The following GABRB1 variants were observed in gnomAD, a reference collection of about 807,000 sequenced individuals.
GABRB1 encodes gamma-aminobutyric acid receptor subunit beta-1.
Under a neutral mutation model 51.6 loss-of-function variants are expected in GABRB1, and 17 were observed. That is an observed-to-expected ratio of 0.33 (90% CI 0.23 to 0.49). The LOEUF (loss-of-function observed/expected upper bound fraction) is 0.49. Ranked by LOEUF, GABRB1 falls within the 20% of genes least tolerant of loss-of-function variation. GABRB1 has a pLI of 0.99. For synonymous variants in GABRB1, 247 were observed against 218.9 expected, an observed-to-expected ratio of 1.13 and a Z score of -1.14; for missense variants, 410 against 600.6, an observed-to-expected ratio of 0.68 and a Z score of 3.32.
At chr4:47,344,865 G>A (rs1453706531) in intron 5 of GABRB1, among the ~76,000 whole-genome samples, 3 of 152,120 alleles carry the variant, frequency 2.0e-5, no homozygotes, top group Non-Finnish European at 4.4e-5. Flanking sequence ...TGGGACTACA[G>A]GTGTGCACCA....
At chr4:47,180,665 C>T (rs1389669445) in intron 4 of GABRB1, among the ~76,000 whole-genome samples, 1 of 151,966 alleles carries the variant, frequency 6.6e-6, no homozygotes, top group Non-Finnish European at 1.5e-5. Flanking sequence ...AAATGTAGTA[C>T]TAAGTCCTGT....
At chr4:47,262,025 C>T (rs1452601702) in intron 4 of GABRB1, among the ~76,000 whole-genome samples, 1 of 151,370 alleles carries the variant, frequency 6.6e-6, no homozygotes, top group East Asian at 1.9e-4. Context: ...TTCCTTACAC[C>T]TTATACAAAA....
At chr4:47,409,609 C>T (rs1483993593) in intron 8 of GABRB1, among the ~76,000 whole-genome samples, 3 of 152,152 alleles carry the variant, frequency 2.0e-5, no homozygotes, top group African/African-American at 7.2e-5. Flanking sequence ...GCATGGTGGG[C>T]CAAAAGGCAA....
intron 4 of GABRB1, among the ~76,000 whole-genome samples, chr4:47,227,475 A>C (rs533443616): frequency 6.6e-6 from 1 of 152,272 alleles, no homozygotes; most frequent in African/African-American, 2.4e-5. Context: ...TATCAGAAAC[A>C]CCTGTGACAG....
chr4:47,144,721 A>C (rs1396418996), intron 3 of GABRB1, among the ~76,000 whole-genome samples: 3 of 151,940 alleles, frequency 2.0e-5, no homozygotes, highest in Non-Finnish European at 4.4e-5. Flanking sequence ...TCTCATCATG[A>C]TACTATATTG....
At chr4:47,269,769 A>G (rs963842533) in intron 4 of GABRB1, among the ~76,000 whole-genome samples, 6 of 152,114 alleles carry the variant, frequency 3.9e-5, no homozygotes, top group African/African-American at 1.4e-4. Context: ...AATTCTCACC[A>G]CAAGCATTTC....
intron 4 of GABRB1, among the ~76,000 whole-genome samples, chr4:47,313,892 A>C (rs766251741): frequency 6.6e-6 from 1 of 152,060 alleles, no homozygotes; most frequent in Non-Finnish European, 1.5e-5. Context: ...CTTACTAAAT[A>C]GTTGTGGGAG....
At chr4:47,014,818 T>G (rs944698508) in intron 1 of GABRB1, among the ~76,000 whole-genome samples, 1 of 152,228 alleles carries the variant, frequency 6.6e-6, no homozygotes, top group African/African-American at 2.4e-5. Flanking sequence ...GATAGGATAC[T>G]CTATGAAAAA....
intron 4 of GABRB1, among the ~76,000 whole-genome samples, chr4:47,224,247 C>T (rs747898377): frequency 1.3e-5 from 2 of 150,386 alleles, no homozygotes; most frequent in Non-Finnish European, 3.0e-5. Context: ...GTCCATTCTT[C>T]CTCATGACTC....
chr4:47,162,015 T>G (rs1461929598), intron 4 of GABRB1, among the ~76,000 whole-genome samples: 2 of 152,062 alleles, frequency 1.3e-5, no homozygotes, highest in Non-Finnish European at 2.9e-5. Flanking sequence ...AGTTGATAGC[T>G]TTGGTCTTCA....
intron 5 of GABRB1, among the ~76,000 whole-genome samples, chr4:47,388,889 G>T (rs532482813): frequency 1.3e-5 from 2 of 152,134 alleles, no homozygotes; most frequent in African/African-American, 4.8e-5. Context: ...AAAGGATTGG[G>T]TTTGTTTTCT....
rs941225097 is a variant in GABRB1, at chr4:47,032,859, G to C, written c.240+375G>C. 9.2e-5 allele frequency: 38 copies of C among 411,978 alleles called. No homozygotes were observed. The East Asian group carries it at 1.2e-3, about 13-fold the overall frequency. The allele number at this position is 411,978 out of a possible 1,614,324, so 25.5% of individuals were successfully genotyped here. ...CACTAGGGTCCCCGGACCGGTGGTCGGCAGCCATCACCTCCCCAGGCGCGG... is the reference window on the plus strand; with the variant it reads ...CACTAGGGTCCCCGGACCGGTGGTCCGCAGCCATCACCTCCCCAGGCGCGG... On this transcript the variant is annotated intron_variant, in intron 3 of 8. Coordinates refer to ENST00000295454, the MANE Select transcript of GABRB1 (RefSeq NM_000812.4).
At chr4:47,414,898 G>A (rs992447875) in intron 8 of GABRB1, among the ~76,000 whole-genome samples, 12 of 152,240 alleles carry the variant, frequency 7.9e-5, no homozygotes, top group African/African-American at 2.9e-4. Flanking sequence ...TTGAGCCTGG[G>A]CCTTCAGACC....
chr4:47,425,512 A>ATC (rs1560380581), intron 8 of GABRB1, among the ~76,000 whole-genome samples, 162 bp from the exon 9 acceptor site: 1 of 147,990 alleles, frequency 6.8e-6, no homozygotes, highest in African/African-American at 2.5e-5. Flanking sequence ...ATAGATAGAT[A>ATC]GATAGATCGA....
At chr4:47,408,861 C>T (rs1205425521) in intron 8 of GABRB1, among the ~76,000 whole-genome samples, 1 of 152,070 alleles carries the variant, frequency 6.6e-6, no homozygotes, top group South Asian at 2.1e-4. Flanking sequence ...GAGGGAAAAC[C>T]CTACCCAAAA....
At chr4:47,252,892 A>G (rs1276559817) in intron 4 of GABRB1, among the ~76,000 whole-genome samples, 1 of 152,184 alleles carries the variant, frequency 6.6e-6, no homozygotes, top group African/African-American at 2.4e-5. Context: ...AGACTTTTTG[A>G]AAAATTACTT....
intron 4 of GABRB1, among the ~76,000 whole-genome samples, chr4:47,200,677 C>A (rs964469129): frequency 3.9e-5 from 6 of 152,120 alleles, no homozygotes; most frequent in African/African-American, 1.4e-4. Flanking sequence ...CTTAAATCCC[C>A]AGAGCTTTGC....
At chr4:47,007,391 ACTAAGATCT>A (rs772302103) in intron 1 of GABRB1, among the ~76,000 whole-genome samples, 15 of 152,306 alleles carry the variant, frequency 9.8e-5, no homozygotes, top group Middle Eastern at 3.4e-3. Context: ...CATTGACAAA[ACTAAGATCT>A]CTAATTATAG....
rs80198636 is a variant in GABRB1, at chr4:47,385,022, G to A, written c.545-18296G>A. Among the ~76,000 whole-genome samples the A allele has an allele frequency of 6.1e-3, 923 of 152,204 alleles. 4 individuals carry two copies. Among genetic ancestry groups the A allele is most frequent in the Non-Finnish European group, 8.1e-3 (553 of 68,002 alleles). On this transcript the variant is annotated intron_variant, in intron 5 of 8. Transcript: ENST00000295454. Reference sequence around the variant, plus strand: ...TTCCTTTTCATTTGTCCTAGTGAACGCTGTCATTACACTTTCCGGAGAATA... The same window carrying A: ...TTCCTTTTCATTTGTCCTAGTGAACACTGTCATTACACTTTCCGGAGAATA...
Sources: gnomAD v4.1 joint callset for allele counts (sites outside exome capture counted in the v4.1 genomes callset) on GRCh38, gnomAD v4.1.1 for gene constraint, MANE v1.5 for transcripts, NCBI Gene and HGNC (gene_info 2026-07-23, HGNC 2026-07-21) for gene names.